The following DGKB variants were observed in gnomAD, a reference collection of about 807,000 sequenced individuals.
The protein encoded by DGKB is diacylglycerol kinase beta.
In DGKB, 67 loss-of-function variants were observed where a neutral mutation model predicts 114.3. The ratio of observed to expected loss-of-function variants is 0.59; its 90% CI spans 0.48 to 0.72. DGKB has a LOEUF of 0.72. DGKB is among the 30% of genes least tolerant of loss of function. The pLI is 0.00. For missense variants in DGKB, 907 were observed against 975.2 expected, an observed-to-expected ratio of 0.93 and a Z score of 0.93; for synonymous variants, 398 against 323.1, an observed-to-expected ratio of 1.23 and a Z score of -2.49.
chr7:14,857,565 T>C (rs1278197863), intron 1 of DGKB, among the ~76,000 whole-genome samples: 1 of 152,196 alleles, frequency 6.6e-6, no homozygotes, highest in South Asian at 2.1e-4. Flanking sequence ...AGAATGTTTA[T>C]GAGATGGCAT....
At chr7:14,907,412 T>C (rs889112655), upstream of DGKB, among the ~76,000 whole-genome samples, 1 of 152,224 alleles carries the variant, frequency 6.6e-6, no homozygotes, top group Admixed American at 6.5e-5. Flanking sequence ...TTTCTACACC[T>C]TAGTTTTCTC....
At chr7:14,680,343 A>C (rs1481839467) in intron 12 of DGKB, among the ~76,000 whole-genome samples, 3 of 152,002 alleles carry the variant, frequency 2.0e-5, no homozygotes, top group Non-Finnish European at 4.4e-5. Flanking sequence ...GTAAGAATAA[A>C]ATGTTAAGGG....
At chr7:14,564,606 A>G (rs1797122940) in intron 20 of DGKB, among the ~76,000 whole-genome samples, 1 of 152,154 alleles carries the variant, frequency 6.6e-6, no homozygotes, top group African/African-American at 2.4e-5. Flanking sequence ...ATTAAATGGA[A>G]TTTAAAAATT....
At chr7:14,448,213 A>G (rs1292451658) in intron 21 of DGKB, among the ~76,000 whole-genome samples, 3 of 152,108 alleles carry the variant, frequency 2.0e-5, no homozygotes, top group African/African-American at 7.2e-5. Context: ...CTCCTCTATG[A>G]GTACTGGGAA....
At chr7:14,217,037 T>C (rs1789098138) in intron 23 of DGKB, among the ~76,000 whole-genome samples, 1 of 152,132 alleles carries the variant, frequency 6.6e-6, no homozygotes, top group Non-Finnish European at 1.5e-5. Flanking sequence ...TCTTGTTTCA[T>C]CTCACACACT....
At chr7:14,199,686 T>G (rs1027279444) in intron 23 of DGKB, among the ~76,000 whole-genome samples, 8 of 152,184 alleles carry the variant, frequency 5.3e-5, no homozygotes, top group Middle Eastern at 6.8e-3. Context: ...AAAGCTTCAC[T>G]ATAACTGGGC....
intron 25 of DGKB, among the ~76,000 whole-genome samples, chr7:14,169,025 G>A (rs1461418537): frequency 3.3e-5 from 5 of 152,146 alleles, no homozygotes; most frequent in Admixed American, 2.0e-4. Context: ...AAAATTATGT[G>A]TATGAAATTA....
intron 17 of DGKB, among the ~76,000 whole-genome samples, chr7:14,607,183 A>T (rs992983127): frequency 9.9e-5 from 10 of 100,534 alleles, no homozygotes; most frequent in South Asian, 3.0e-4. Context: ...TGTGTGTGTG[A>T]GATTAATATC....
At position 14,146,925 on chromosome 7, in the gene DGKB, T is replaced by G. The variant is rs1300956304; in HGVS notation, c.*2206A>C. 6.6e-6 allele frequency: 1 copy of G among 152,182 alleles called. No homozygotes were observed. The highest frequency in any genetic ancestry group is 2.4e-5 in the African/African-American group (1 of 41,466). 9.4% of individuals were successfully genotyped at this position (152,182 alleles called of 1,614,324 possible). A position where few individuals can be genotyped will look rare whatever the true frequency, so the allele number is the denominator to read the frequency against. On this transcript the variant is annotated 3_prime_UTR_variant, in exon 26 of 26. Transcript: ENST00000402815. ...TCCAACAGCTTTCTACTGTACAGAT[T>G]GTTAAGAATGATTCACAAACTGTTG...
intron 23 of DGKB, among the ~76,000 whole-genome samples, chr7:14,322,247 A>G (rs929561100): frequency 3.3e-5 from 5 of 152,158 alleles, no homozygotes; most frequent in African/African-American, 4.8e-5. Context: ...GACAGAGAGT[A>G]TATGACCCAA....
intron 1 of DGKB, among the ~76,000 whole-genome samples, chr7:14,918,035 C>T (rs1365190397): frequency 6.6e-6 from 1 of 152,026 alleles, no homozygotes; most frequent in African/African-American, 2.4e-5. Flanking sequence ...ACCGAAAAAG[C>T]ATTTGCCAAA....
intron 5 of DGKB, among the ~76,000 whole-genome samples, chr7:14,729,295 T>TA (rs1444559274): frequency 6.8e-5 from 9 of 132,152 alleles, no homozygotes; most frequent in Non-Finnish European, 1.6e-4. Flanking sequence ...GCTAATTTTT[T>TA]GTATTTTTAG....
chr7:14,746,837 A>G (rs1833362814), intron 4 of DGKB, among the ~76,000 whole-genome samples: 1 of 152,130 alleles, frequency 6.6e-6, no homozygotes, highest in South Asian at 2.1e-4. Context: ...TGTAAAATTC[A>G]TTGCATCTTT....
At chr7:14,312,264 A>C (rs2128507921) in intron 23 of DGKB, among the ~76,000 whole-genome samples, 1 of 152,334 alleles carries the variant, frequency 6.6e-6, no homozygotes, top group East Asian at 1.9e-4. Context: ...CCATTATATC[A>C]GCAGTTCTGC....
At chr7:14,798,339 A>G (rs1198475108) in intron 2 of DGKB, among the ~76,000 whole-genome samples, 1 of 152,138 alleles carries the variant, frequency 6.6e-6, no homozygotes, top group Non-Finnish European at 1.5e-5. Context: ...TTAGTCAGGC[A>G]TCTTCTCCCT....
intron 20 of DGKB, among the ~76,000 whole-genome samples, chr7:14,487,672 G>A (rs1784029193): frequency 1.4e-5 from 2 of 147,246 alleles, no homozygotes; most frequent in South Asian, 4.3e-4. Context: ...CAGTGCAATA[G>A]CTCACTGCAG....
At chr7:14,458,790 A>C (rs975310352) in intron 21 of DGKB, among the ~76,000 whole-genome samples, 1 of 152,178 alleles carries the variant, frequency 6.6e-6, no homozygotes, top group Non-Finnish European at 1.5e-5. Flanking sequence ...TTGGGCAGAC[A>C]ACGAGCTAGC....
intron 23 of DGKB, among the ~76,000 whole-genome samples, chr7:14,272,636 C>T (rs994559960): frequency 6.6e-6 from 1 of 151,920 alleles, no homozygotes; most frequent in African/African-American, 2.4e-5. Flanking sequence ...ACTTTTTTTG[C>T]TTAAAGCAGA....
At chr7:14,827,825 G>C (rs1194283530) in intron 2 of DGKB, among the ~76,000 whole-genome samples, 1 of 152,022 alleles carries the variant, frequency 6.6e-6, no homozygotes, top group Admixed American at 6.6e-5. Context: ...CATGTCACTA[G>C]GCACTGAAAA....
Sources: allele counts gnomAD v4.1 joint callset (sites outside exome capture counted in the v4.1 genomes callset), GRCh38; gene constraint gnomAD v4.1.1; transcripts MANE v1.5; gene names NCBI Gene and HGNC (gene_info 2026-07-23, HGNC 2026-07-21).